HACE1: variants seen among roughly 807,000 people sequenced by gnomAD.
HACE1 encodes E3 ubiquitin-protein ligase HACE1.
In HACE1, 73 loss-of-function variants were observed where a neutral mutation model predicts 118.4. That is an observed-to-expected ratio of 0.62 (90% CI 0.51 to 0.75). The LOEUF is 0.75. Ranked by LOEUF, HACE1 falls within the 30% of genes least tolerant of loss-of-function variation. The probability of loss-of-function intolerance (pLI) is 0.00; values close to 1 mark genes in which losing one functional copy is unlikely to be tolerated. For missense variants in HACE1, 749 were observed against 1,102.2 expected, an observed-to-expected ratio of 0.68 and a Z score of 4.54; for synonymous variants, 368 against 374.8, an observed-to-expected ratio of 0.98 and a Z score of 0.21.
At chr6:104,830,016 T>G (rs771432373) in intron 6 of HACE1, among the ~76,000 whole-genome samples, 42 of 152,224 alleles carry the variant, frequency 2.8e-4, no homozygotes, top group Non-Finnish European at 5.7e-4. Context: ...TAATTCTTGC[T>G]TCTATACTGG....
At chr6:104,760,340 T>C (rs1425928584) in intron 19 of HACE1, among the ~76,000 whole-genome samples, 1 of 152,144 alleles carries the variant, frequency 6.6e-6, no homozygotes, top group Non-Finnish European at 1.5e-5. Context: ...CATAAAAAGC[T>C]TATCCACCAC....
At chr6:104,732,121 C>G (rs1057341331) in intron 22 of HACE1, 1 of 152,118 alleles carries the variant, frequency 6.6e-6, no homozygotes, top group Non-Finnish European at 1.5e-5. Context: ...TAAAATGATG[C>G]AGCCTCTGTG....
At chr6:104,793,809 TA>T (rs1366215616) in intron 10 of HACE1, among the ~76,000 whole-genome samples, 4 of 152,176 alleles carry the variant, frequency 2.6e-5, no homozygotes, top group Admixed American at 6.5e-5. Context: ...TACAGTACAA[TA>T]AATTCTAACT....
intron 20 of HACE1, among the ~76,000 whole-genome samples, chr6:104,747,174 T>C (rs944285290): frequency 6.6e-6 from 1 of 152,216 alleles, no homozygotes; most frequent in African/African-American, 2.4e-5. Flanking sequence ...GTTGGAACTA[T>C]GTGTAAGGTA....
chr6:104,774,159 G>T (rs188373659), intron 17 of HACE1, among the ~76,000 whole-genome samples: 1 of 86,474 alleles, frequency 1.2e-5, no homozygotes, highest in Non-Finnish European at 2.1e-5. Flanking sequence ...GCGGGATCTC[G>T]GCTCACTGCA....
chr6:104,853,603 T>G (rs1366899700), intron 1 of HACE1, among the ~76,000 whole-genome samples: 1 of 152,090 alleles, frequency 6.6e-6, no homozygotes, highest in African/African-American at 2.4e-5. Context: ...AAACAAGATA[T>G]TTACACAGTA....
chr6:104,859,722 G>A lies in HACE1; in HGVS notation c.-80C>T. The A allele has an allele frequency of 7.8e-7, 1 of 1,286,040 alleles. No homozygotes were observed. Among genetic ancestry groups the A allele is most frequent in the Non-Finnish European group, 1.1e-6 (1 of 934,088 alleles). 79.7% of individuals were successfully genotyped at this position (1,286,040 alleles called of 1,614,324 possible). A position where few individuals can be genotyped will look rare whatever the true frequency, so the allele number is the denominator to read the frequency against. On this transcript the variant is annotated 5_prime_UTR_variant, in exon 1 of 24. Transcript: ENST00000262903. ...GCGCCCAGAGCCCTACATCTCGCCT[G>A]GGCCCGTCCAGCAGGCGGAGACGCG...
chr6:104,818,885 T>TACCTCAAAATAATATGA (rs1772393607), intron 6 of HACE1, among the ~76,000 whole-genome samples: 1 of 151,842 alleles, frequency 6.6e-6, no homozygotes, highest in Admixed American at 6.6e-5. Context: ...TGAAGGAACA[T>TACCTCAAAATAATATGA]ACCTCAAAAT....
chr6:104,749,866 T>C (rs549553046), intron 20 of HACE1, among the ~76,000 whole-genome samples: 2 of 152,156 alleles, frequency 1.3e-5, no homozygotes, highest in East Asian at 1.9e-4. Flanking sequence ...ATGGACTCCA[T>C]AGGTTTGAAA....
chr6:104,857,781 C>T (rs1295672002), intron 1 of HACE1, among the ~76,000 whole-genome samples: 1 of 151,748 alleles, frequency 6.6e-6, no homozygotes, highest in Non-Finnish European at 1.5e-5. Flanking sequence ...CACGGTGAAA[C>T]CCCGTCTCTA....
chr6:104,736,225 T>C (rs1775812081), intron 22 of HACE1, among the ~76,000 whole-genome samples: 1 of 151,692 alleles, frequency 6.6e-6, no homozygotes, highest in Admixed American at 6.6e-5. Flanking sequence ...AAAGTTTTTC[T>C]TTTATATTTT....
At chr6:104,829,999 T>C (rs1257311029) in intron 6 of HACE1, among the ~76,000 whole-genome samples, 3 of 152,198 alleles carry the variant, frequency 2.0e-5, no homozygotes, top group Non-Finnish European at 4.4e-5. Flanking sequence ...GAACAAGGTT[T>C]TCTTAGTAAT....
chr6:104,859,382 C>T (rs534306378), intron 1 of HACE1, 185 bp downstream of exon 1: 3 of 535,830 alleles, frequency 5.6e-6, no homozygotes, highest in Middle Eastern at 2.7e-4. Flanking sequence ...CTCCCACCTG[C>T]CGGGGTGGGA....
Position 104,764,341 on chromosome 6 carries a change from G to A in HACE1, c.2211+6852C>T, listed in dbSNP as rs145693685. On this transcript the variant is annotated intron_variant, in intron 19 of 23. Transcript: ENST00000262903. ...GATCCACTCACCTCGGCCTCCCAAA[G>A]TGCTGGGATTACAGGTGTGAGCCAC... Among the ~76,000 whole-genome samples the A allele has an allele frequency of 2.2e-3, 328 of 152,270 alleles. 1 individual carries two copies. The highest frequency in any genetic ancestry group is 7.5e-3 in the African/African-American group (311 of 41,570).
chr6:104,773,030 T>TA (rs1013793371), intron 17 of HACE1, among the ~76,000 whole-genome samples: 6 of 150,486 alleles, frequency 4.0e-5, no homozygotes, highest in East Asian at 1.9e-4. Flanking sequence ...TTCACCACCG[T>TA]AAAAAAAAAG....
intron 6 of HACE1, among the ~76,000 whole-genome samples, chr6:104,812,468 A>T (rs1771730036): frequency 6.6e-6 from 1 of 152,172 alleles, no homozygotes; most frequent in African/African-American, 2.4e-5. Flanking sequence ...AAATAGTTTG[A>T]AATTAGACGC....
At chr6:104,838,184 C>T (rs1487839022) in intron 5 of HACE1, among the ~76,000 whole-genome samples, 5 of 152,166 alleles carry the variant, frequency 3.3e-5, no homozygotes, top group Non-Finnish European at 7.4e-5. Context: ...CAATGACATT[C>T]TTCACAGAAA....
chr6:104,835,491 C>T (rs1418953502), intron 5 of HACE1, among the ~76,000 whole-genome samples: 1 of 151,504 alleles, frequency 6.6e-6, no homozygotes, highest in East Asian at 1.9e-4. Flanking sequence ...CGTGCAAACT[C>T]AAAACAAGAA....
At chr6:104,790,313 TTAGTA>T (rs1175664808) in intron 11 of HACE1, among the ~76,000 whole-genome samples, 6 of 152,212 alleles carry the variant, frequency 3.9e-5, no homozygotes, top group African/African-American at 1.4e-4. Flanking sequence ...AAAGAATCAT[TTAGTA>T]TAGAACACTA....
Sources: gnomAD v4.1 joint callset for allele counts (sites outside exome capture counted in the v4.1 genomes callset) on GRCh38, gnomAD v4.1.1 for gene constraint, MANE v1.5 for transcripts, NCBI Gene and HGNC (gene_info 2026-07-23, HGNC 2026-07-21) for gene names.